Variants in KCNQ5 observed in about 807,000 individuals in gnomAD.
KCNQ5 encodes potassium voltage-gated channel subfamily Q member 5, also known as potassium voltage-gated channel subfamily KQT member 5.
KCNQ5 carries 30 observed loss-of-function variants against 98.2 expected under a neutral mutation model. The observed-to-expected ratio is 0.31, with a 90% CI of 0.23 to 0.41. The LOEUF is 0.41. Among genes scored for constraint, KCNQ5 ranks in the 10% least tolerant of loss-of-function variants. The probability of loss-of-function intolerance (pLI) is 1.00; values close to 1 mark genes in which losing one functional copy is unlikely to be tolerated. For missense variants in KCNQ5, 835 were observed against 1,182.5 expected (o/e 0.71, Z 4.31); for synonymous variants, 458 against 449.4 (o/e 1.02, Z -0.24).
intron 6 of KCNQ5, among the ~76,000 whole-genome samples, chr6:73,109,094 T>C (rs753777661): frequency 1.3e-5 from 2 of 152,206 alleles, no homozygotes; most frequent in Non-Finnish European, 1.5e-5. Context: ...TGGAAAAAAA[T>C]TGGAAAGGAG....
chr6:73,075,243 A>G (rs1432062109), intron 3 of KCNQ5, among the ~76,000 whole-genome samples: 6 of 111,796 alleles, frequency 5.4e-5, no homozygotes, highest in South Asian at 2.8e-4. Context: ...TTTTTTTTTG[A>G]GACGCAGTCT....
intron 1 of KCNQ5, among the ~76,000 whole-genome samples, chr6:72,844,308 T>C (rs867371003): frequency 2.0e-5 from 3 of 152,226 alleles, no homozygotes; most frequent in African/African-American, 7.2e-5. Flanking sequence ...CAGAGAGTGC[T>C]ACAAAGATGC....
intron 1 of KCNQ5, among the ~76,000 whole-genome samples, chr6:72,852,249 G>A (rs1308718535): frequency 6.6e-6 from 1 of 151,998 alleles, no homozygotes; most frequent in Non-Finnish European, 1.5e-5. Context: ...GTGAGAGCTG[G>A]ATGTTAAATT....
At chr6:73,119,159 G>T (rs1307685194) in intron 7 of KCNQ5, among the ~76,000 whole-genome samples, 1 of 152,168 alleles carries the variant, frequency 6.6e-6, no homozygotes, top group Non-Finnish European at 1.5e-5. Context: ...TCATTAAAAA[G>T]AAAGAAATTT....
Position 73,117,860 on chromosome 6 carries a change from C to T in KCNQ5, c.1126-2623C>T, listed in dbSNP as rs77457540. 9.2e-5 allele frequency among the ~76,000 whole-genome samples: 14 copies of T among 152,236 alleles called. No individual in the cohort carries two copies. In the East Asian group the frequency reaches 2.5e-3, roughly 27 times the overall value. ...CAGGTATAATATTTGCAAAGATTAA[C>T]ATTTCAAGATGATGCAACAATAGTT... On this transcript the variant is annotated intron_variant, in intron 7 of 13. Transcript: ENST00000370398.
rs1768842159 is a variant in KCNQ5 at position 72,987,489 on chromosome 6, G to C, written c.399-16419G>C. 4.5e-6 allele frequency: 3 copies of C among 663,402 alleles called. No individual in the cohort carries two copies. The East Asian group carries it at 1.0e-4, about 23-fold the overall frequency. The allele number at this position is 663,402 out of a possible 1,614,324, so 41.1% of individuals were successfully genotyped here. Reference sequence around the variant, plus strand: ...GAAACTGAAGTTTCTCAAACTTACTGGTGGCTTCAAAAACCTGTCCCCTTC... The same window carrying C: ...GAAACTGAAGTTTCTCAAACTTACTCGTGGCTTCAAAAACCTGTCCCCTTC... On this transcript the variant is annotated intron_variant, in intron 1 of 13. Transcript: ENST00000370398.
chr6:73,012,404 A>T (rs868821856), intron 2 of KCNQ5, among the ~76,000 whole-genome samples: 5 of 152,150 alleles, frequency 3.3e-5, no homozygotes, highest in African/African-American at 1.2e-4. Flanking sequence ...TATGAGTGAG[A>T]TACCTAGAAT....
chr6:72,776,173 C>A (rs1216552558), intron 1 of KCNQ5, among the ~76,000 whole-genome samples: 2 of 152,116 alleles, frequency 1.3e-5, no homozygotes, highest in Non-Finnish European at 2.9e-5. Context: ...ATAGAGTAGG[C>A]ACTGTGTTAC....
intron 11 of KCNQ5, among the ~76,000 whole-genome samples, chr6:73,186,128 TGA>T (rs1778562780): frequency 6.6e-6 from 1 of 151,756 alleles, no homozygotes; most frequent in African/African-American, 2.4e-5. Flanking sequence ...CTTGGGAGGC[TGA>T]GATGGGAGGA....
rs941618277 is a variant in KCNQ5 at position 73,112,441 on chromosome 6, G to A, written c.1125+1038G>A. On this transcript the variant is annotated intron_variant, in intron 7 of 13. Coordinates refer to ENST00000370398, the MANE Select transcript of KCNQ5 (RefSeq NM_019842.4). Reference sequence around the variant, plus strand: ...GCTCACTGCAAGCTCCGCCTCCTGGGTTCACGCCATTCTCCTGCCTCAGCC... The same window carrying A: ...GCTCACTGCAAGCTCCGCCTCCTGGATTCACGCCATTCTCCTGCCTCAGCC... Among the ~76,000 whole-genome samples, 4 of 151,934 alleles carry A rather than the reference G, an allele frequency of 2.6e-5. No homozygotes were observed. The East Asian group carries it at 7.7e-4, about 29-fold the overall frequency.
intron 1 of KCNQ5, among the ~76,000 whole-genome samples, chr6:72,844,699 A>G (rs2150136514): frequency 6.6e-6 from 1 of 152,320 alleles, no homozygotes; most frequent in African/African-American, 2.4e-5. Context: ...AAAGTACACA[A>G]TTTTAAAAAG....
intron 2 of KCNQ5, among the ~76,000 whole-genome samples, chr6:73,008,829 A>G (rs1033494740): frequency 2.6e-5 from 4 of 152,220 alleles, no homozygotes; most frequent in African/African-American, 9.6e-5. Context: ...TTCATATGCC[A>G]TTATGTTAGC....
chr6:72,731,850 A>G (rs1366448980), intron 1 of KCNQ5, among the ~76,000 whole-genome samples: 1 of 152,208 alleles, frequency 6.6e-6, no homozygotes, highest in African/African-American at 2.4e-5. Context: ...AAAAAATTAT[A>G]TCCTCCAAAC....
intron 1 of KCNQ5, among the ~76,000 whole-genome samples, chr6:72,840,786 T>G (rs922309008): frequency 6.6e-6 from 1 of 152,226 alleles, no homozygotes; most frequent in African/African-American, 2.4e-5. Context: ...ATGAAGTTTA[T>G]GATCCACGGA....
At position 72,734,465 on chromosome 6, in the gene KCNQ5, G is replaced by A. The variant is rs569894716; in HGVS notation, c.398+111878G>A. Among the ~76,000 whole-genome samples the A allele has an allele frequency of 8.5e-5, 13 of 152,122 alleles. No homozygotes were observed. In the South Asian group the frequency reaches 2.3e-3, roughly 27 times the overall value. ...GCCTCCCGAGTAGCTGGGACTACAG[G>A]CACCCACCACCACACCTGGCTAATT... On this transcript the variant is annotated intron_variant, in intron 1 of 13. Coordinates refer to ENST00000370398, the MANE Select transcript of KCNQ5 (RefSeq NM_019842.4).
chr6:72,783,460 A>G lies in KCNQ5; in HGVS notation c.398+160873A>G, dbSNP rs564334287. 3.3e-5 allele frequency among the ~76,000 whole-genome samples: 5 copies of G among 152,334 alleles called. No homozygotes were observed. In the South Asian group the frequency reaches 1.0e-3, roughly 32 times the overall value. On this transcript the variant is annotated intron_variant, in intron 1 of 13. Transcript: ENST00000370398. ...GACTTTGAAATGAAGTAACTAAATC[A>G]CAATATGCAAGACATATTCAAGCAA...
intron 1 of KCNQ5, among the ~76,000 whole-genome samples, chr6:72,867,964 C>G (rs2350090): frequency 1.3e-5 from 2 of 150,750 alleles, no homozygotes. Flanking sequence ...ACTACTACTA[C>G]TACTACTAAT....
At chr6:73,060,324 G>A (rs1281816953) in intron 3 of KCNQ5, among the ~76,000 whole-genome samples, 1 of 152,004 alleles carries the variant, frequency 6.6e-6, no homozygotes, top group African/African-American at 2.4e-5. Context: ...TTCTCACTCT[G>A]GTTGTAAGAA....
chr6:72,689,408 A>G (rs892557247), intron 1 of KCNQ5, among the ~76,000 whole-genome samples: 1 of 152,250 alleles, frequency 6.6e-6, no homozygotes, highest in African/African-American at 2.4e-5. Context: ...CAAAGTGGTC[A>G]TTTGTCCAAG....
Sources: gnomAD v4.1 joint callset for allele counts (sites outside exome capture counted in the v4.1 genomes callset) on GRCh38, gnomAD v4.1.1 for gene constraint, MANE v1.5 for transcripts, NCBI Gene and HGNC (gene_info 2026-07-23, HGNC 2026-07-21) for gene names.